Variants in SLC44A5 observed in about 807,000 individuals in gnomAD.
The protein encoded by SLC44A5 is solute carrier family 44 member 5.
In SLC44A5, 57 loss-of-function variants were observed where a neutral mutation model predicts 101.8. That is an observed-to-expected ratio of 0.56 (90% CI 0.45 to 0.70). The LOEUF (loss-of-function observed/expected upper bound fraction) is 0.70, where lower values mean the gene tolerates loss of function less well. SLC44A5 is among the 30% of genes least tolerant of loss of function. SLC44A5 has a pLI of 0.00. For synonymous variants in SLC44A5, 281 were observed against 290.9 expected (o/e 0.97, Z 0.35); for missense variants, 737 against 853.1 (o/e 0.86, Z 1.70).
rs541078374 is a variant in SLC44A5, at chr1:75,284,492, G to T, written c.176-9450C>A. ...TGACTTCCTCTTTACTGATTTGAAT[G>T]CCCTTTATTATTAATGTTGTCTGGT... On this transcript the variant is annotated intron_variant, in intron 5 of 23. Transcript: ENST00000370859. Among the ~76,000 whole-genome samples, 70 of 152,126 alleles carry T rather than the reference G, an allele frequency of 4.6e-4. 1 individual carries two copies. The highest frequency in any genetic ancestry group is 1.7e-3 in the African/African-American group (69 of 41,532).
intron 4 of SLC44A5, among the ~76,000 whole-genome samples, chr1:75,313,244 TG>T (rs1655443701): frequency 1.3e-5 from 2 of 152,168 alleles, no homozygotes; most frequent in Admixed American, 1.3e-4. Flanking sequence ...AGATGCCTCA[TG>T]GGTTGAAATG....
intron 2 of SLC44A5, among the ~76,000 whole-genome samples, chr1:75,484,922 C>G (rs1668074260): frequency 6.6e-6 from 1 of 152,224 alleles, no homozygotes; most frequent in African/African-American, 2.4e-5. Flanking sequence ...GCTGGACCAG[C>G]CAGGACACAG....
intron 2 of SLC44A5, among the ~76,000 whole-genome samples, chr1:75,536,082 A>G (rs1241866791): frequency 5.3e-5 from 8 of 151,734 alleles, no homozygotes; most frequent in Admixed American, 5.3e-4. Context: ...AAATGGCTAT[A>G]TGCTTGCTAA....
intron 2 of SLC44A5, among the ~76,000 whole-genome samples, chr1:75,442,637 C>G: frequency 6.6e-6 from 1 of 152,150 alleles, no homozygotes; most frequent in Non-Finnish European, 1.5e-5. Context: ...TTTCTTTCCA[C>G]TGACTCCCAC....
At chr1:75,388,383 C>G (rs1661546036) in intron 3 of SLC44A5, among the ~76,000 whole-genome samples, 1 of 151,804 alleles carries the variant, frequency 6.6e-6, no homozygotes, top group African/African-American at 2.4e-5. Flanking sequence ...GTCCACAGAA[C>G]CTATAAAAAA....
intron 2 of SLC44A5, among the ~76,000 whole-genome samples, chr1:75,527,641 A>T (rs1670494384): frequency 6.6e-6 from 1 of 152,172 alleles, no homozygotes; most frequent in South Asian, 2.1e-4. Flanking sequence ...CAACATTTCC[A>T]ATGAACAATT....
At chr1:75,527,997 T>G (rs1670514327) in intron 2 of SLC44A5, among the ~76,000 whole-genome samples, 1 of 152,248 alleles carries the variant, frequency 6.6e-6, no homozygotes, top group South Asian at 2.1e-4. Flanking sequence ...TGCCCTTAAT[T>G]ACATTTTGTA....
intron 2 of SLC44A5, among the ~76,000 whole-genome samples, chr1:75,452,324 A>G (rs1665951881): frequency 6.6e-6 from 1 of 152,172 alleles, no homozygotes; most frequent in African/African-American, 2.4e-5. Context: ...AAGGAGAAAT[A>G]AAATCTTTTC....
At chr1:75,659,466 A>AAGGG in the SLC44A5 span, among the ~76,000 whole-genome samples, 1 of 55,592 alleles carries the variant, frequency 1.8e-5, no homozygotes, top group South Asian at 5.7e-4. Context: ...GGAAGGAAGG[A>AAGGG]AGGAAGGAAG....
intron 6 of SLC44A5, among the ~76,000 whole-genome samples, chr1:75,267,720 T>A (rs962765966): frequency 7.9e-5 from 12 of 152,082 alleles, no homozygotes; most frequent in East Asian, 3.9e-4. Flanking sequence ...GCTAATTTTT[T>A]AAAATTTTTT....
At chr1:75,486,311 T>A (rs1202602988) in intron 2 of SLC44A5, among the ~76,000 whole-genome samples, 1 of 152,142 alleles carries the variant, frequency 6.6e-6, no homozygotes, top group Admixed American at 6.5e-5. Flanking sequence ...AACTTCTGTT[T>A]GAAAAAAATG....
In SLC44A5 at chr1:75,479,605, A is replaced by G. The variant is rs532133569; in HGVS notation, c.13+61830T>C. ...TCCCACAGAAATACAAACTACCATCAGAGAATACTACAAACACCTCTACGC... is the reference window on the plus strand; with the variant it reads ...TCCCACAGAAATACAAACTACCATCGGAGAATACTACAAACACCTCTACGC... On this transcript the variant is annotated intron_variant, in intron 2 of 23. Transcript: ENST00000370859. Among the ~76,000 whole-genome samples, 287 of 152,392 alleles carry G rather than the reference A, an allele frequency of 1.9e-3. 1 individual carries two copies. The highest frequency in any genetic ancestry group is 6.4e-3 in the African/African-American group (265 of 41,596).
intron 3 of SLC44A5, among the ~76,000 whole-genome samples, chr1:75,350,093 C>T (rs1272218876): frequency 3.3e-5 from 5 of 152,096 alleles, no homozygotes; most frequent in African/African-American, 4.8e-5. Context: ...CCCCCCCCAA[C>T]TCCAGCCCAA....
intron 3 of SLC44A5, among the ~76,000 whole-genome samples, chr1:75,389,132 T>C (rs1661615118): frequency 1.3e-5 from 2 of 152,194 alleles, no homozygotes; most frequent in Middle Eastern, 3.4e-3. Flanking sequence ...AAAAGACATA[T>C]TTGCCCTAAA....
At chr1:75,675,529 C>T in the SLC44A5 span, among the ~76,000 whole-genome samples, 1 of 152,088 alleles carries the variant, frequency 6.6e-6, no homozygotes, top group Non-Finnish European at 1.5e-5. Context: ...CGATCACTCC[C>T]TTACACCTTA....
intron 4 of SLC44A5, among the ~76,000 whole-genome samples, chr1:75,331,650 T>C (rs1308958817): frequency 2.0e-5 from 3 of 152,164 alleles, no homozygotes; most frequent in African/African-American, 7.2e-5. Flanking sequence ...AACCCTCACA[T>C]GACTTTTCCA....
chr1:75,344,079 C>T (rs11163185), intron 3 of SLC44A5, among the ~76,000 whole-genome samples: 68,267 of 151,804 alleles, frequency 0.45, 15,949 homozygotes, highest in East Asian at 0.85. Context: ...TCCCTCTGAG[C>T]AATGTGACTT....
intron 4 of SLC44A5, among the ~76,000 whole-genome samples, chr1:75,323,383 G>A (rs3933669): frequency 8.6e-5 from 13 of 150,624 alleles, no homozygotes; most frequent in African/African-American, 2.2e-4. Flanking sequence ...GCTATTGTGA[G>A]TAATGCCGCA....
intron 9 of SLC44A5, among the ~76,000 whole-genome samples, chr1:75,240,684 G>A (rs935155876): frequency 1.2e-4 from 18 of 152,020 alleles, no homozygotes; most frequent in Non-Finnish European, 2.4e-4. Flanking sequence ...AGTGATGGAA[G>A]TATGTAAGAC....
Sources: gnomAD v4.1 joint callset for allele counts (sites outside exome capture counted in the v4.1 genomes callset) on GRCh38, gnomAD v4.1.1 for gene constraint, MANE v1.5 for transcripts, NCBI Gene and HGNC (gene_info 2026-07-23, HGNC 2026-07-21) for gene names.